TSPAN19: variants seen among roughly 807,000 people sequenced by gnomAD.
TSPAN19 encodes the protein tetraspanin-19.
TSPAN19 carries 44 observed loss-of-function variants against 35.1 expected under a neutral mutation model. That is an observed-to-expected ratio of 1.25 (90% CI 0.98 to 1.61). The LOEUF is 1.61. TSPAN19 is among the 40% of genes most tolerant of loss of function. The probability of loss-of-function intolerance (pLI) is 0.00; values close to 1 mark genes in which losing one functional copy is unlikely to be tolerated. For missense variants in TSPAN19, 290 were observed against 280.0 expected (o/e 1.04, Z -0.26); for synonymous variants, 79 against 92.0 (o/e 0.86, Z 0.81).
At chr12:85,020,384 G>A (rs1219315073) in intron 5 of TSPAN19, among the ~76,000 whole-genome samples, 1 of 151,300 alleles carries the variant, frequency 6.6e-6, no homozygotes, top group Non-Finnish European at 1.5e-5. Context: ...TAATTAAGAT[G>A]TTAAATAAAA....
intron 5 of TSPAN19, 42 bp from the exon 6 acceptor site, chr12:85,019,778 T>C: frequency 1.7e-6 from 2 of 1,154,542 alleles, no homozygotes; most frequent in Non-Finnish European, 2.5e-6. Flanking sequence ...CATAGGAATG[T>C]ATCCATAAAA....
intron 7 of TSPAN19, 121 bp downstream of exon 7, chr12:85,017,335 A>G (rs572076799): frequency 2.3e-6 from 2 of 861,760 alleles, no homozygotes; most frequent in East Asian, 5.4e-5. Flanking sequence ...GTGGATTAAG[A>G]ATGTAGCCAC....
In TSPAN19 at chr12:85,014,504, T is replaced by A. The variant is rs1876680357; in HGVS notation, c.730A>T (p.Ile244Phe). ...VCFFKNIKNI[I>F]HAEM ...TCCAAAGGTCACATTTCTGCATGGA[T>A]TATATTCTTGATGTTTTTGAAGAAA... The change falls in exon 9 of 9, where the codon ATC (isoleucine) becomes TTC (phenylalanine). Residue 244 changes from isoleucine to phenylalanine, a missense_variant. Coordinates refer to ENST00000532498, the MANE Select transcript of TSPAN19 (RefSeq NM_001100917.2). 6.2e-7 allele frequency: 1 copy of A among 1,603,864 alleles called. No homozygotes were observed. Among genetic ancestry groups the A allele is most frequent in the African/African-American group, 1.3e-5 (1 of 74,660 alleles).
At chr12:85,034,150 A>T (rs1281143389) in intron 1 of TSPAN19, among the ~76,000 whole-genome samples, 1 of 152,162 alleles carries the variant, frequency 6.6e-6, no homozygotes, top group Non-Finnish European at 1.5e-5. Context: ...GCCTAAGAAT[A>T]CAATATGTGG....
chr12:85,030,329 T>G (rs1877621998), intron 1 of TSPAN19, among the ~76,000 whole-genome samples: 1 of 152,166 alleles, frequency 6.6e-6, no homozygotes, highest in Non-Finnish European at 1.5e-5. Flanking sequence ...TTTTAAATTT[T>G]TATTTTAATC....
At position 85,029,807 on chromosome 12, in the gene TSPAN19, C is replaced by T. The variant is rs757086385; in HGVS notation, c.67-16G>A. ...GTCCAAGAACCTAAAAAAAGAAAGTCAATGCTTATTTTTTTGTAATTGCCT... is the reference window on the plus strand; with the variant it reads ...GTCCAAGAACCTAAAAAAAGAAAGTTAATGCTTATTTTTTTGTAATTGCCT... On this transcript the variant is annotated splice_polypyrimidine_tract_variant and intron_variant, in intron 2 of 8. Coordinates refer to ENST00000532498, the MANE Select transcript of TSPAN19 (RefSeq NM_001100917.2). 1.2e-5 allele frequency: 19 copies of T among 1,539,686 alleles called. No homozygotes were observed. The highest frequency in any genetic ancestry group is 1.5e-5 in the Non-Finnish European group (17 of 1,143,502).
At chr12:85,028,050 A>C in intron 3 of TSPAN19, 27 bp from the exon 4 acceptor site, 1 of 1,469,070 alleles carries the variant, frequency 6.8e-7, no homozygotes, top group South Asian at 1.3e-5. Context: ...TTTACTTATT[A>C]TGAAGTGGTA....
chr12:85,018,066 A>G (rs550165129), intron 6 of TSPAN19, among the ~76,000 whole-genome samples: 7 of 151,926 alleles, frequency 4.6e-5, no homozygotes, highest in African/African-American at 1.2e-4. Flanking sequence ...GTTAACTTTC[A>G]ATTTTGTATT....
intron 8 of TSPAN19, chr12:85,015,031 T>C (rs1049976462): frequency 3.3e-5 from 5 of 152,122 alleles, no homozygotes; most frequent in African/African-American, 1.2e-4. Context: ...AGAATAAACA[T>C]TTAAAAACAA....
rs751546859 is a variant in TSPAN19 at position 85,014,491 on chromosome 12, A to T, written c.743T>A (p.Met248Lys). The stretch of plus-strand genomic sequence containing the variant: ...GAACAAATTGAAATCCAAAGGTCAC[A>T]TTTCTGCATGGATTATATTCTTGAT... ...KNIKNIIHAE[M>K] Residue 248 changes from methionine (M) to lysine (K), a missense_variant, in exon 9 of 9, where the codon ATG becomes AAG. Met to Lys is a moderately conservative substitution (Grantham distance 95). Coordinates refer to ENST00000532498, the MANE Select transcript of TSPAN19 (RefSeq NM_001100917.2). 7 of 1,595,926 alleles carry T rather than the reference A, an allele frequency of 4.4e-6. No homozygotes were observed. The highest frequency in any genetic ancestry group is 5.1e-6 in the Non-Finnish European group (6 of 1,170,028).
intron 4 of TSPAN19, among the ~76,000 whole-genome samples, chr12:85,023,927 T>A (rs905312166): frequency 1.3e-5 from 2 of 152,170 alleles, no homozygotes; most frequent in African/African-American, 2.4e-5. Context: ...AATTTTTTTT[T>A]AAATGGCCAA....
At chr12:85,028,414 AC>A (rs1309782143) in intron 3 of TSPAN19, among the ~76,000 whole-genome samples, 1 of 152,154 alleles carries the variant, frequency 6.6e-6, no homozygotes, top group Non-Finnish European at 1.5e-5. Flanking sequence ...AGATGTATAC[AC>A]CCTGAATTTA....
rs1876684930 is a variant in TSPAN19, at chr12:85,014,572, C to T, written c.679-17G>A. 1.3e-6 allele frequency: 2 copies of T among 1,553,010 alleles called. No homozygotes were observed. Among genetic ancestry groups the T allele is most frequent in the African/African-American group, 1.4e-5 (1 of 72,388 alleles). ...TTGGAAAACCTGGAAGAAAAGGGAA[C>T]AATAAGAGATTAAAATTTAATCAAT... On this transcript the variant is annotated splice_polypyrimidine_tract_variant and intron_variant, in intron 8 of 8. Coordinates refer to ENST00000532498, the MANE Select transcript of TSPAN19 (RefSeq NM_001100917.2).
intron 6 of TSPAN19, among the ~76,000 whole-genome samples, chr12:85,019,140 T>C (rs1033560765): frequency 1.3e-5 from 2 of 151,924 alleles, no homozygotes; most frequent in African/African-American, 4.8e-5. Flanking sequence ...ATATATAGAA[T>C]ATCTATATAT....
In TSPAN19 at chr12:85,019,614, A is replaced by G; in HGVS notation, c.450+12T>C. 1.3e-6 allele frequency: 2 copies of G among 1,535,958 alleles called. No homozygotes were observed. The highest frequency in any genetic ancestry group is 1.7e-5 in the Admixed American group (1 of 59,004). ...ATACTGACATCTAATTTTTTAGTTA[A>G]TTTCATCTTACTGTTTTCTGTAAGG... On this transcript the variant is annotated intron_variant, in intron 6 of 8. Transcript: ENST00000532498.
rs1233166584 is a variant in TSPAN19, at chr12:85,029,743, T to C, written c.115A>G (p.Arg39Gly). The change falls in exon 3 of 9, where the codon AGA becomes GGA. Residue 39 changes from arginine to glycine, a missense_variant. Transcript: ENST00000532498. ...MGFGAWLLLD[R>G]NNFLTAFDEN... ...CCAAAAGCTGTTAAAAAATTATTTC[T>C]ATCTAATAAGAGCCATGCACCAAAT... 6 of 1,539,666 alleles carry C rather than the reference T, an allele frequency of 3.9e-6. No individual in the cohort carries two copies. The highest frequency in any genetic ancestry group is 1.4e-5 in the African/African-American group (1 of 72,140).
chr12:85,031,877 G>A (rs1877701165), intron 1 of TSPAN19, among the ~76,000 whole-genome samples: 1 of 151,908 alleles, frequency 6.6e-6, no homozygotes, highest in South Asian at 2.1e-4. Context: ...CATGTACCCA[G>A]GATAAAGAAA....
At chr12:85,014,644 G>C (rs562122288) in intron 8 of TSPAN19, 89 bp from the exon 9 acceptor site, 1 of 919,812 alleles carries the variant, frequency 1.1e-6, no homozygotes, top group African/African-American at 1.7e-5. Flanking sequence ...ACCAAAATGC[G>C]TATTGTAAAG....
At chr12:85,032,693 C>A (rs1191349334) in intron 1 of TSPAN19, among the ~76,000 whole-genome samples, 1 of 152,082 alleles carries the variant, frequency 6.6e-6, no homozygotes, top group South Asian at 2.1e-4. Flanking sequence ...CTGGAAACAA[C>A]GTCAATGAGA....
Sources: gnomAD v4.1 joint callset for allele counts (sites outside exome capture counted in the v4.1 genomes callset) on GRCh38, gnomAD v4.1.1 for gene constraint, MANE v1.5 for transcripts, NCBI Gene and HGNC (gene_info 2026-07-23, HGNC 2026-07-21) for gene names.